SLC33A1: variants seen among roughly 807,000 people sequenced by gnomAD.
SLC33A1 encodes the protein solute carrier family 33 member 1, also known as acetyl-coenzyme A transporter 1.
A neutral mutation model predicts 50.0 loss-of-function variants in SLC33A1; 20 were observed. The ratio of observed to expected loss-of-function variants is 0.40; its 90% CI spans 0.28 to 0.58. The LOEUF is 0.58. Ranked by LOEUF, SLC33A1 falls within the 20% of genes least tolerant of loss-of-function variation. The pLI is 0.44. For missense variants in SLC33A1, 476 were observed against 657.0 expected, an observed-to-expected ratio of 0.72 and a Z score of 3.01; for synonymous variants, 265 against 251.8, an observed-to-expected ratio of 1.05 and a Z score of -0.50.
chr3:155,842,999 TAAA>T (rs397875293), intron 1 of SLC33A1: 5 of 97,906 alleles, frequency 5.1e-5, no homozygotes, highest in Middle Eastern at 5.7e-3. Context: ...AGACCTTGTC[TAAA>T]AAAAAAAAAA....
chr3:155,828,792 G>A (rs1265637247), intron 5 of SLC33A1, among the ~76,000 whole-genome samples: 1 of 151,382 alleles, frequency 6.6e-6, no homozygotes, highest in Non-Finnish European at 1.5e-5. Flanking sequence ...GCTTCACCAT[G>A]TGGCCCAGGG....
Position 155,828,141 on chromosome 3 carries a change from G to T in SLC33A1, c.*69C>A. The T allele has an allele frequency of 1.8e-6, 2 of 1,115,156 alleles. No homozygotes were observed. The highest frequency in any genetic ancestry group is 2.8e-6 in the Non-Finnish European group (2 of 725,152). The allele number at this position is 1,115,156 out of a possible 1,614,324, so 69.1% of individuals were successfully genotyped here. ...ATAATATTTTATACTCCTGTGCACT[G>T]ATTATCATTGCTCTCCGAATTAAAA... On this transcript the variant is annotated 3_prime_UTR_variant, in exon 6 of 6. Coordinates refer to ENST00000643144, the MANE Select transcript of SLC33A1 (RefSeq NM_004733.4).
At position 155,824,125 on chromosome 3, in the gene SLC33A1, C is replaced by T. The variant is rs1752151142; in HGVS notation, c.*4085G>A. 6.6e-6 allele frequency: 1 copy of T among 152,074 alleles called. No individual in the cohort carries two copies. The highest frequency in any genetic ancestry group is 1.5e-5 in the Non-Finnish European group (1 of 68,018). The allele number at this position is 152,074 out of a possible 1,614,324, so 9.4% of individuals were successfully genotyped here. ...AGTTACAATGTACAGTATCACCTTCCCTTCTGTAACCAAAATACTTATTAA... is the reference window on the plus strand; with the variant it reads ...AGTTACAATGTACAGTATCACCTTCTCTTCTGTAACCAAAATACTTATTAA... On this transcript the variant is annotated 3_prime_UTR_variant, in exon 6 of 6. Transcript: ENST00000643144.
intron 2 of SLC33A1, among the ~76,000 whole-genome samples, chr3:155,838,303 C>T (rs1415318293): frequency 1.5e-5 from 2 of 130,620 alleles, no homozygotes; most frequent in Non-Finnish European, 3.3e-5. Flanking sequence ...AAATCCATCT[C>T]AAAAAAAAAA....
chr3:155,831,177 C>T (rs979573040), intron 4 of SLC33A1, among the ~76,000 whole-genome samples: 2 of 152,078 alleles, frequency 1.3e-5, no homozygotes, highest in African/African-American at 4.8e-5. Flanking sequence ...GTTGAAGAAG[C>T]TGGGTGCGGT....
intron 1 of SLC33A1, among the ~76,000 whole-genome samples, chr3:155,848,043 G>C (rs1753250110): frequency 6.6e-6 from 1 of 152,142 alleles, no homozygotes. Flanking sequence ...TGCTGCTAGA[G>C]GAGAGGGCCT....
chr3:155,844,441 ATATATATATATATATATTTTTTTT>A (rs1333749278), intron 1 of SLC33A1, among the ~76,000 whole-genome samples: 1 of 5,602 alleles, frequency 1.8e-4, no homozygotes, highest in East Asian at 4.1e-3. Context: ...ATATATATAT[ATATATATATATATATATTTTTTTT>A]TTTTTTTTTT....
At chr3:155,828,968 T>C (rs1187622732) in intron 5 of SLC33A1, among the ~76,000 whole-genome samples, 5 of 150,082 alleles carry the variant, frequency 3.3e-5, no homozygotes, top group Non-Finnish European at 5.9e-5. Context: ...AGGGGCGCGA[T>C]CTCAGCTCAC....
chr3:155,853,556 G>C lies in SLC33A1; in HGVS notation c.442C>G (p.Gln148Glu). The change falls in exon 1 of 6, where the codon CAG becomes GAG. Residue 148 changes from glutamine to glutamate, a missense_variant. Coordinates refer to ENST00000643144, the MANE Select transcript of SLC33A1 (RefSeq NM_004733.4). ...GRRKSWLVPT[Q>E]YILGLFMIYL... ...ATCATGAAGAGTCCTAGTATATACT[G>C]TGTCGGGACAAGCCAAGATTTGCGA... 1 of 1,614,156 alleles carries C rather than the reference G, an allele frequency of 6.2e-7. No individual in the cohort carries two copies. The highest frequency in any genetic ancestry group is 8.5e-7 in the Non-Finnish European group (1 of 1,180,002).
intron 4 of SLC33A1, among the ~76,000 whole-genome samples, chr3:155,831,457 CAAAAAAA>C (rs397991448): frequency 1.5e-3 from 69 of 46,708 alleles, no homozygotes; most frequent in South Asian, 8.2e-3. Flanking sequence ...GACTCTGTCT[CAAAAAAA>C]AAAAAAAAAA....
chr3:155,853,108 CTTGAG>C (rs1448310664), intron 1 of SLC33A1, 110 bp downstream of exon 1: 15 of 962,210 alleles, frequency 1.6e-5, no homozygotes, highest in East Asian at 2.5e-5. Context: ...GAAAACTTAC[CTTGAG>C]TTATCTCCCA....
Position 155,829,829 on chromosome 3 carries a change from T to A in SLC33A1, c.1341A>T (p.Thr447=). Residue 447 remains threonine (T), a synonymous_variant, in exon 5 of 6, where the codon ACA becomes ACT. Coordinates refer to ENST00000643144, the MANE Select transcript of SLC33A1 (RefSeq NM_004733.4). ...AKVSDPLIGG[T]YMTLLNTVSN... is the part of the protein sequence containing the mutation. ...ACACGGTATTTAAAAGGGTCATGTA[T>A]GTTCCTCCAATAAGTGGATCACTAA... is the stretch of plus-strand genomic sequence containing the variant. 1 of 1,613,966 alleles carries A rather than the reference T, an allele frequency of 6.2e-7. No individual in the cohort carries two copies. The highest frequency in any genetic ancestry group is 1.1e-5 in the South Asian group (1 of 91,090).
rs57460942 is a variant in SLC33A1 at position 155,836,280 on chromosome 3, C to CAAAAAAA, written c.964-2246_964-2240dup. On this transcript the variant is annotated intron_variant, in intron 2 of 5. Coordinates refer to ENST00000643144, the MANE Select transcript of SLC33A1 (RefSeq NM_004733.4). ...GCCTGGTGACAGAGTGAGACTCTGT[C>CAAAAAAA]AAAAAAAAAAAAAAAAAAAAAAAAA... is the stretch of plus-strand genomic sequence containing the variant. Among the ~76,000 whole-genome samples, 64 of 27,170 alleles carry CAAAAAAA rather than the reference C, an allele frequency of 2.4e-3. 6 individuals are homozygous for CAAAAAAA. The highest frequency in any genetic ancestry group is 5.2e-3 in the African/African-American group (37 of 7,114). The allele number at this position is 27,170 out of a possible 152,430, so 17.8% of individuals were successfully genotyped here. A position where few individuals can be genotyped will look rare whatever the true frequency, so the allele number is the denominator to read the frequency against.
At chr3:155,841,752 T>G (rs1454585514) in intron 2 of SLC33A1, among the ~76,000 whole-genome samples, 2 of 151,980 alleles carry the variant, frequency 1.3e-5, no homozygotes, top group Admixed American at 6.6e-5. Context: ...ATTTATTTAT[T>G]TATTTATTAT....
At chr3:155,839,307 A>C (rs1195600009) in intron 2 of SLC33A1, among the ~76,000 whole-genome samples, 10 of 101,720 alleles carry the variant, frequency 9.8e-5, no homozygotes, top group Non-Finnish European at 1.6e-4. Flanking sequence ...CCTCAAAAAA[A>C]AAAAAAAAAA....
rs973533681 is a variant in SLC33A1, at chr3:155,821,133, A to G, written c.*7077T>C. ...TATATTCCAAATACTTAAACACTGC[A>G]TAAATATTAAGGTTTAACACACATC... is the stretch of plus-strand genomic sequence containing the variant. On this transcript the variant is annotated 3_prime_UTR_variant, in exon 6 of 6. Transcript: ENST00000643144. The G allele has an allele frequency of 6.6e-6, 1 of 152,248 alleles. No individual in the cohort carries two copies. The allele number at this position is 152,248 out of a possible 1,614,324, so 9.4% of individuals were successfully genotyped here.
intron 1 of SLC33A1, among the ~76,000 whole-genome samples, chr3:155,847,616 C>T (rs1485918341): frequency 2.6e-5 from 4 of 151,842 alleles, no homozygotes; most frequent in African/African-American, 9.7e-5. Context: ...GGCATTGTGG[C>T]GTGTGCCTGT....
chr3:155,842,686 T>C, intron 1 of SLC33A1, 67 bp from the exon 2 acceptor site: 1 of 841,246 alleles, frequency 1.2e-6, no homozygotes, highest in South Asian at 1.8e-5. Context: ...TAAATAATTC[T>C]ATATACAATA....
chr3:155,835,570 T>C (rs748740005), intron 2 of SLC33A1, among the ~76,000 whole-genome samples: 29 of 152,078 alleles, frequency 1.9e-4, no homozygotes, highest in Non-Finnish European at 4.0e-4. Flanking sequence ...CCATGAAAGC[T>C]CCACCTTCTC....
Sources: gnomAD v4.1 joint callset for allele counts (sites outside exome capture counted in the v4.1 genomes callset) on GRCh38, gnomAD v4.1.1 for gene constraint, MANE v1.5 for transcripts, NCBI Gene and HGNC (gene_info 2026-07-23, HGNC 2026-07-21) for gene names.